PRKCB: variants seen among roughly 807,000 people sequenced by gnomAD.
PRKCB encodes the protein protein kinase C beta, also known as protein kinase C beta type.
A neutral mutation model predicts 81.5 loss-of-function variants in PRKCB; 13 were observed. The observed-to-expected ratio is 0.16, with a 90% CI of 0.10 to 0.25. The LOEUF is 0.25. Ranked by LOEUF, PRKCB falls within the 10% of genes least tolerant of loss-of-function variation. PRKCB has a pLI of 1.00. For synonymous variants in PRKCB, 335 were observed against 321.4 expected (o/e 1.04, Z -0.45); for missense variants, 509 against 875.7 (o/e 0.58, Z 5.29).
At chr16:24,044,688 C>G (rs1259660105) in intron 5 of PRKCB, among the ~76,000 whole-genome samples, 1 of 152,182 alleles carries the variant, frequency 6.6e-6, no homozygotes, top group Non-Finnish European at 1.5e-5. Context: ...TATATATTAT[C>G]TATGGCTGCT....
intron 2 of PRKCB, among the ~76,000 whole-genome samples, chr16:23,856,191 A>G (rs967224955): frequency 1.3e-5 from 2 of 152,190 alleles, no homozygotes; most frequent in African/African-American, 4.8e-5. Context: ...CAGCTACCAG[A>G]GAGGAGAGCT....
intron 2 of PRKCB, among the ~76,000 whole-genome samples, chr16:23,938,783 T>G (rs1964097973): frequency 6.6e-6 from 1 of 152,220 alleles, no homozygotes; most frequent in South Asian, 2.1e-4. Flanking sequence ...AAAAAATCAA[T>G]GACTTAAATA....
At chr16:23,930,129 G>A (rs1963950156) in intron 2 of PRKCB, among the ~76,000 whole-genome samples, 1 of 152,104 alleles carries the variant, frequency 6.6e-6, no homozygotes, top group African/African-American at 2.4e-5. Flanking sequence ...GCTTTAATCT[G>A]GGGGAAGATA....
chr16:23,894,681 G>C (rs181246115), intron 2 of PRKCB, among the ~76,000 whole-genome samples: 18 of 152,270 alleles, frequency 1.2e-4, no homozygotes, highest in African/African-American at 4.1e-4. Flanking sequence ...TGAGGGAAAA[G>C]AATATTTTTT....
intron 15 of PRKCB, among the ~76,000 whole-genome samples, chr16:24,187,007 A>G (rs2141976972): frequency 6.6e-6 from 1 of 152,292 alleles, no homozygotes; most frequent in Middle Eastern, 3.4e-3. Context: ...CAAAGCCCAT[A>G]AAGAAAAAAA....
intron 2 of PRKCB, among the ~76,000 whole-genome samples, chr16:23,857,815 C>G (rs540195998): frequency 3.4e-4 from 51 of 152,216 alleles, no homozygotes; most frequent in African/African-American, 1.1e-3. Flanking sequence ...TTTCCATTTC[C>G]TGGATGTCTT....
chr16:24,185,038 A>G, intron 13 of PRKCB, 73 bp from the exon 14 acceptor site: 1 of 1,273,972 alleles, frequency 7.8e-7, no homozygotes, highest in Non-Finnish European at 1.1e-6. Context: ...TTCTTGTAAA[A>G]GAAGAGTGAA....
At chr16:23,918,418 A>G (rs935536022) in intron 2 of PRKCB, among the ~76,000 whole-genome samples, 3 of 151,362 alleles carry the variant, frequency 2.0e-5, no homozygotes, top group African/African-American at 7.3e-5. Context: ...TTTTTTTGAA[A>G]TAGAGTTTCA....
chr16:24,061,910 T>TAAAAAAAAAAAAAA (rs1210402981), intron 5 of PRKCB, among the ~76,000 whole-genome samples: 1 of 93,760 alleles, frequency 1.1e-5, no homozygotes, highest in African/African-American at 3.7e-5. Context: ...CTTAAATAAA[T>TAAAAAAAAAAAAAA]AAAAAAAAAA....
intron 10 of PRKCB, among the ~76,000 whole-genome samples, chr16:24,158,594 ATGTGTG>A (rs1338870419): frequency 2.0e-5 from 3 of 150,868 alleles, no homozygotes; most frequent in Non-Finnish European, 4.4e-5. Flanking sequence ...GTATATGTAT[ATGTGTG>A]TGTATGTGTG....
At chr16:23,936,644 G>T (rs1470467893) in intron 2 of PRKCB, among the ~76,000 whole-genome samples, 7 of 147,846 alleles carry the variant, frequency 4.7e-5, no homozygotes, top group Non-Finnish European at 3.0e-5. Flanking sequence ...TGTTGCTCAG[G>T]CTGGTCTCGA....
chr16:23,966,589 A>G (rs1284364464), intron 2 of PRKCB, among the ~76,000 whole-genome samples: 1 of 152,176 alleles, frequency 6.6e-6, no homozygotes, highest in Non-Finnish European at 1.5e-5. Context: ...AGTTTGTTTC[A>G]GAGGAGCAAG....
intron 7 of PRKCB, among the ~76,000 whole-genome samples, chr16:24,105,231 GT>G (rs1966560137): frequency 6.6e-6 from 1 of 151,944 alleles, no homozygotes; most frequent in South Asian, 2.1e-4. Flanking sequence ...TAATTTTTGT[GT>G]TTTTAGTAGA....
intron 15 of PRKCB, among the ~76,000 whole-genome samples, chr16:24,188,280 G>T (rs969948343): frequency 1.3e-5 from 2 of 152,142 alleles, no homozygotes; most frequent in Admixed American, 6.5e-5. Flanking sequence ...CTCCAAAAAC[G>T]AGTGATGCTC....
intron 2 of PRKCB, among the ~76,000 whole-genome samples, chr16:23,917,120 CT>C (rs1362110636): frequency 2.6e-5 from 4 of 152,120 alleles, no homozygotes; most frequent in Non-Finnish European, 5.9e-5. Context: ...CAGAGTCTCG[CT>C]CTGTTGCCCA....
At chr16:23,973,754 C>T (rs1289078430) in intron 2 of PRKCB, among the ~76,000 whole-genome samples, 4 of 152,150 alleles carry the variant, frequency 2.6e-5, no homozygotes, top group Non-Finnish European at 1.5e-5. Context: ...GATCACGGCT[C>T]ACTGCAGCCT....
chr16:24,156,936 G>A (rs1967170121), intron 10 of PRKCB, among the ~76,000 whole-genome samples: 1 of 152,350 alleles, frequency 6.6e-6, no homozygotes, highest in African/African-American at 2.4e-5. Flanking sequence ...TAGAGGCTGA[G>A]CAGCAGCAGT....
At chr16:24,189,033 T>A (rs1486194319) in intron 15 of PRKCB, among the ~76,000 whole-genome samples, 1 of 152,136 alleles carries the variant, frequency 6.6e-6, no homozygotes, top group African/African-American at 2.4e-5. Context: ...CCCATCCTAA[T>A]CTTACACAAA....
intron 2 of PRKCB, among the ~76,000 whole-genome samples, chr16:23,932,638 CA>C (rs1212315886): frequency 1.3e-5 from 2 of 152,116 alleles, no homozygotes; most frequent in Non-Finnish European, 2.9e-5. Context: ...CAATGTGCAT[CA>C]AAAAATAGAG....
Sources: gnomAD v4.1 joint callset for allele counts (sites outside exome capture counted in the v4.1 genomes callset) on GRCh38, gnomAD v4.1.1 for gene constraint, MANE v1.5 for transcripts, NCBI Gene and HGNC (gene_info 2026-07-23, HGNC 2026-07-21) for gene names.